Variants in ZNF536 observed in about 807,000 individuals in gnomAD.
ZNF536 encodes zinc finger protein 536.
Under a neutral mutation model 84.5 loss-of-function variants are expected in ZNF536, and 13 were observed. That is an observed-to-expected ratio of 0.15 (90% CI 0.10 to 0.24). ZNF536 has a LOEUF of 0.24. Ranked by LOEUF, ZNF536 falls within the 10% of genes least tolerant of loss-of-function variation. The pLI is 1.00. For missense variants in ZNF536, 1,536 were observed against 1,747.5 expected, an observed-to-expected ratio of 0.88 and a Z score of 2.16; for synonymous variants, 811 against 742.5, an observed-to-expected ratio of 1.09 and a Z score of -1.50.
At chr19:30,586,289 A>G (rs148348361) in intron 1 of ZNF536, among the ~76,000 whole-genome samples, 1 of 152,350 alleles carries the variant, frequency 6.6e-6, no homozygotes, top group Non-Finnish European at 1.5e-5. Flanking sequence ...ATTGTTCTAT[A>G]GAGGCAAAAA....
At chr19:30,277,698 C>T (rs554363784) in intron 1 of ZNF536, among the ~76,000 whole-genome samples, 14 of 152,336 alleles carry the variant, frequency 9.2e-5, no homozygotes, top group African/African-American at 2.4e-4. Context: ...CAGGTGCTAC[C>T]GCCTGTGTGC....
intron 1 of ZNF536, among the ~76,000 whole-genome samples, chr19:30,384,563 T>G (rs1033648257): frequency 6.6e-6 from 1 of 151,562 alleles, no homozygotes; most frequent in African/African-American, 2.4e-5. Context: ...TTTGGTTGCA[T>G]GGGACCTTCA....
At chr19:30,606,251 ATAAAT>A (rs2047878745) in intron 1 of ZNF536, among the ~76,000 whole-genome samples, 2 of 59,102 alleles carry the variant, frequency 3.4e-5, no homozygotes, top group South Asian at 7.1e-4. Context: ...ATAAAATAAA[ATAAAT>A]AAAATAAAAT....
At position 30,548,703 on chromosome 19, in the gene ZNF536, G is replaced by A. The variant is rs367998267; in HGVS notation, c.3084G>A (p.Ala1028=). 3.2e-5 allele frequency: 52 copies of A among 1,613,812 alleles called. 1 individual carries two copies. The highest frequency in any genetic ancestry group is 8.8e-5 in the South Asian group (8 of 91,090). The change falls in exon 4 of 5, where the codon GCG becomes GCA. Residue 1028 remains alanine, a synonymous_variant. Coordinates refer to ENST00000355537, the MANE Select transcript of ZNF536 (RefSeq NM_014717.3). ...LHLQANHLGK[A]KRKDNTIGVT... Reference sequence around the variant, plus strand: ...TCCAGGCCAACCACCTGGGCAAAGCGAAACGCAAAGATAACACCATCGGGG... The same window carrying A: ...TCCAGGCCAACCACCTGGGCAAAGCAAAACGCAAAGATAACACCATCGGGG...
At chr19:30,623,040 G>GTTTTTTT (rs778168856) in intron 1 of ZNF536, among the ~76,000 whole-genome samples, 2 of 99,280 alleles carry the variant, frequency 2.0e-5, no homozygotes, top group Non-Finnish European at 4.4e-5. Context: ...TTGTTTTTTT[G>GTTTTTTT]TTTTTTTGTT....
At chr19:30,408,009 C>A (rs1018656166) in intron 1 of ZNF536, among the ~76,000 whole-genome samples, 1 of 152,116 alleles carries the variant, frequency 6.6e-6, no homozygotes, top group Non-Finnish European at 1.5e-5. Context: ...ATGTGATGGG[C>A]ACTATGAGTA....
At chr19:30,470,999 T>C (rs1363111808) in intron 2 of ZNF536, among the ~76,000 whole-genome samples, 1 of 151,884 alleles carries the variant, frequency 6.6e-6, no homozygotes, top group Non-Finnish European at 1.5e-5. Context: ...TTTTTTTTTT[T>C]TTTTAGAGAT....
At chr19:30,559,645 C>T (rs1008868034), downstream of ZNF536, among the ~76,000 whole-genome samples, 2 of 152,102 alleles carry the variant, frequency 1.3e-5, no homozygotes, top group African/African-American at 4.8e-5. Context: ...GGGATGGGGC[C>T]CAGAGGGGTA....
intron 2 of ZNF536, among the ~76,000 whole-genome samples, chr19:30,330,285 T>C (rs773165719): frequency 2.0e-5 from 3 of 152,226 alleles, no homozygotes; most frequent in Non-Finnish European, 4.4e-5. Context: ...AATTTGGTAC[T>C]GTAAGCAACT....
chr19:30,694,669 A>G (rs2051576346), intron 1 of ZNF536, among the ~76,000 whole-genome samples: 1 of 142,756 alleles, frequency 7.0e-6, no homozygotes, highest in African/African-American at 2.5e-5. Flanking sequence ...ATTGGCAATG[A>G]ATTACATTTT....
At chr19:30,539,387 T>C (rs1160806509) in intron 3 of ZNF536, among the ~76,000 whole-genome samples, 1 of 152,162 alleles carries the variant, frequency 6.6e-6, no homozygotes, top group Admixed American at 6.5e-5. Flanking sequence ...TGCACCCACA[T>C]TGGAGAGGGC....
chr19:30,704,199 A>T (rs1273523003), intron 1 of ZNF536, among the ~76,000 whole-genome samples: 8 of 152,178 alleles, frequency 5.3e-5, no homozygotes, highest in Non-Finnish European at 1.0e-4. Flanking sequence ...GCCACAATGG[A>T]AGCCTGCTTG....
intron 1 of ZNF536, among the ~76,000 whole-genome samples, chr19:30,569,743 G>A (rs1248183428): frequency 6.6e-6 from 1 of 151,540 alleles, no homozygotes; most frequent in Non-Finnish European, 1.5e-5. Context: ...GCTAATTTTT[G>A]TATTTTCTAG....
At chr19:30,360,574 G>A (rs1035012742) in intron 3 of ZNF536, among the ~76,000 whole-genome samples, 3 of 152,116 alleles carry the variant, frequency 2.0e-5, no homozygotes, top group South Asian at 2.1e-4. Flanking sequence ...AATGAAACAC[G>A]ATCAGTATTC....
rs146155046 is a variant in ZNF536, at chr19:30,242,378, G to C, written c.-190+13705G>C. 2.5e-3 allele frequency among the ~76,000 whole-genome samples: 374 copies of C among 152,240 alleles called. 2 individuals are homozygous for C. The highest frequency in any genetic ancestry group is 8.5e-3 in the African/African-American group (351 of 41,526). On this transcript the variant is annotated intron_variant, in intron 1 of 5. Transcript: ENST00000585628. ...CCCGGTCGGCTACCCCCAGCTTTAGGGGGTATCCGTTCACAGTTATTTTTG... is the reference window on the plus strand; with the variant it reads ...CCCGGTCGGCTACCCCCAGCTTTAGCGGGTATCCGTTCACAGTTATTTTTG...
intron 1 of ZNF536, among the ~76,000 whole-genome samples, chr19:30,430,255 T>A (rs1161593878): frequency 2.0e-5 from 3 of 152,156 alleles, no homozygotes; most frequent in Admixed American, 6.5e-5. Context: ...GCCTGCAACT[T>A]GTTCATTCAT....
At chr19:30,353,530 C>G (rs2048000215) in intron 3 of ZNF536, among the ~76,000 whole-genome samples, 1 of 151,792 alleles carries the variant, frequency 6.6e-6, no homozygotes, top group Non-Finnish European at 1.5e-5. Flanking sequence ...TGAGCAGCCC[C>G]CCCCTGGCAC....
At chr19:30,310,030 C>T (rs577011721) in intron 2 of ZNF536, among the ~76,000 whole-genome samples, 8 of 152,086 alleles carry the variant, frequency 5.3e-5, no homozygotes, top group Admixed American at 3.3e-4. Flanking sequence ...TCCTGGGGTT[C>T]GAGAGCTGGG....
chr19:30,412,608 T>G (rs1208918510), intron 1 of ZNF536, among the ~76,000 whole-genome samples: 1 of 152,042 alleles, frequency 6.6e-6, no homozygotes, highest in Non-Finnish European at 1.5e-5. Flanking sequence ...GATTGCCTTA[T>G]AGCTTCTAAT....
Sources: allele counts gnomAD v4.1 joint callset (sites outside exome capture counted in the v4.1 genomes callset), GRCh38; gene constraint gnomAD v4.1.1; transcripts MANE v1.5; gene names NCBI Gene and HGNC (gene_info 2026-07-23, HGNC 2026-07-21).